ATM: variants seen among roughly 807,000 people sequenced by gnomAD.
ATM encodes the protein serine-protein kinase ATM.
In ATM, 308 loss-of-function variants were observed where a neutral mutation model predicts 387.0. The ratio of observed to expected loss-of-function variants is 0.80; its 90% confidence interval spans 0.73 to 0.87. The LOEUF is 0.87. Ranked by LOEUF, ATM falls within the 40% of genes least tolerant of loss-of-function variation. The pLI is 0.00. For synonymous variants in ATM, 1,156 were observed against 1,187.3 expected (o/e 0.97, Z 0.54); for missense variants, 3,312 against 3,560.9 (o/e 0.93, Z 1.78).
rs2085565666 is a variant in ATM at position 108,325,420 on chromosome 11, C to G, written c.6683C>G (p.Thr2228Arg). The G allele has an allele frequency of 1.2e-6, 2 of 1,613,690 alleles. No individual in the cohort carries two copies. The highest frequency in any genetic ancestry group is 1.1e-5 in the South Asian group (1 of 91,078). The change falls in exon 46 of 63, where the codon ACA becomes AGA. Residue 2228 changes from threonine to arginine, a missense_variant. Physicochemically the swap from Thr to Arg is moderately conservative, Grantham distance 71 (BLOSUM62 -1). Coordinates refer to ENST00000675843, the MANE Select transcript of ATM (RefSeq NM_000051.4). The stretch of plus-strand genomic sequence containing the variant: ...CAGGAGCCTATCATGGCTCTACGCA[C>G]AGTCATTTTGGAGATCCTGATGGAA... ...SFQEPIMALRTVILEILMEKE... is the reference protein window; with the variant it reads ...SFQEPIMALRRVILEILMEKE...
intron 29 of ATM, among the ~76,000 whole-genome samples, chr11:108,292,256 G>C (rs564411558): frequency 2.0e-5 from 3 of 152,164 alleles, no homozygotes; most frequent in Non-Finnish European, 4.4e-5. Flanking sequence ...GCTGGGGTAG[G>C]GGTGGGCAAG....
chr11:108,329,413 G>GT (rs529551923), intron 49 of ATM, 175 bp downstream of exon 49: 11,151 of 540,368 alleles, frequency 0.021, no homozygotes, highest in East Asian at 0.036. Flanking sequence ...TTTGTTTTTT[G>GT]TTTTTTTTTT....
chr11:108,316,856 G>C (rs1272843200), intron 42 of ATM, among the ~76,000 whole-genome samples: 1 of 151,792 alleles, frequency 6.6e-6, no homozygotes, highest in Non-Finnish European at 1.5e-5. Flanking sequence ...AACCTGGGAG[G>C]CAGAGGTTGC....
chr11:108,342,774 G>C (rs148608461), intron 56 of ATM, among the ~76,000 whole-genome samples: 1 of 152,222 alleles, frequency 6.6e-6, no homozygotes, highest in African/African-American at 2.4e-5. Flanking sequence ...TAAGACTAAA[G>C]CAAGAGTACA....
intron 22 of ATM, among the ~76,000 whole-genome samples, chr11:108,276,417 T>C (rs2081951674): frequency 6.6e-6 from 1 of 152,190 alleles, no homozygotes; most frequent in South Asian, 2.1e-4. Flanking sequence ...TGAAGAATTG[T>C]GATCCTTTGC....
rs759655842 is a variant in ATM, at chr11:108,345,828, G to A, written c.8504G>A (p.Cys2835Tyr). The change falls in exon 58 of 63, where the codon TGC becomes TAC. Residue 2835 changes from cysteine to tyrosine, a missense_variant. Cys to Tyr is a radical substitution (Grantham distance 194). Around this residue, in one of 4 missense-constraint regions of ATM, gnomAD observed 1,405 missense variants for 1,604.4 expected, o/e 0.88. Coordinates refer to ENST00000675843, the MANE Select transcript of ATM (RefSeq NM_000051.4). ...QNFQPVFRYF[C>Y]MEKFLDPAIW... ...TTTCAACCAGTTTTCCGTTACTTCTGCATGGAAAAATTCTTGGATCCAGCT... is the reference window on the plus strand; with the variant it reads ...TTTCAACCAGTTTTCCGTTACTTCTACATGGAAAAATTCTTGGATCCAGCT... The A allele has an allele frequency of 6.2e-7, 1 of 1,613,830 alleles. No homozygotes were observed. Among genetic ancestry groups the A allele is most frequent in the East Asian group, 2.2e-5 (1 of 44,840 alleles).
At chr11:108,233,588 A>G (rs1468404556) in intron 4 of ATM, among the ~76,000 whole-genome samples, 1 of 151,366 alleles carries the variant, frequency 6.6e-6, no homozygotes, top group Non-Finnish European at 1.5e-5. Flanking sequence ...AAAAAAAAAA[A>G]AAGTCTCTGC....
rs1376008437 is a variant in ATM, at chr11:108,366,033, A to G, written c.*525A>G. Reference sequence around the variant, plus strand: ...GACAAGAGCGAAACTCCATCTCAAAAAAAAAAAAAAAAAAACAGAAACGTA... The same window carrying G: ...GACAAGAGCGAAACTCCATCTCAAAGAAAAAAAAAAAAAAACAGAAACGTA... On this transcript the variant is annotated 3_prime_UTR_variant, in exon 63 of 63. Coordinates refer to ENST00000675843, the MANE Select transcript of ATM (RefSeq NM_000051.4). 1 of 168,410 alleles carries G rather than the reference A, an allele frequency of 5.9e-6. No individual in the cohort carries two copies. The highest frequency in any genetic ancestry group is 1.1e-4 in the East Asian group (1 of 8,972). The allele number at this position is 168,410 out of a possible 1,614,324, so 10.4% of individuals were successfully genotyped here. A position where few individuals can be genotyped will look rare whatever the true frequency, so the allele number is the denominator to read the frequency against.
intron 38 of ATM, chr11:108,308,593 A>G (rs1334424486): frequency 1.0e-5 from 2 of 194,118 alleles, no homozygotes; most frequent in African/African-American, 4.7e-5. Flanking sequence ...TTGAGAGTTG[A>G]CCAGAACTCT....
At chr11:108,264,198 A>G (rs998035404) in intron 16 of ATM, among the ~76,000 whole-genome samples, 8 of 152,032 alleles carry the variant, frequency 5.3e-5, no homozygotes, top group Admixed American at 3.3e-4. Context: ...TGTTAGACCA[A>G]TATCCTTGAT....
rs1439659893 is a variant in ATM, at chr11:108,262,108, A to G, written c.2466+3033A>G. The stretch of plus-strand genomic sequence containing the variant: ...CCGCAATCTAGCAAGGCAGGCCAAC[A>G]TTCAGATTCAGGAAATACAGAGAAT... On this transcript the variant is annotated intron_variant, in intron 16 of 62. Transcript: ENST00000675843. Among the ~76,000 whole-genome samples the G allele has an allele frequency of 4.6e-5, 7 of 151,860 alleles. No individual in the cohort carries two copies. In the East Asian group the frequency reaches 9.6e-4, roughly 21 times the overall value.
Position 108,258,969 on chromosome 11 carries a change from GT to G in ATM, c.2377-14del. The stretch of plus-strand genomic sequence containing the variant: ...TTATTTCTTTGTTGCTTGGTTCTTT[GT>G]TTGTCTTAATTGCAGAAGAGTCCAA... On this transcript the variant is annotated splice_polypyrimidine_tract_variant and intron_variant, in intron 15 of 62. Transcript: ENST00000675843. 6.2e-7 allele frequency: 1 copy of G among 1,600,604 alleles called. No individual in the cohort carries two copies. Among genetic ancestry groups the G allele is most frequent in the Non-Finnish European group, 8.6e-7 (1 of 1,168,174 alleles).
rs2137937065 is a variant in ATM, at chr11:108,365,574, C to T, written c.*66C>T. ...ATTATATTTTAGCCTTTATTTTTAA[C>T]CTGCCAACATACTTTAAGTAGGGAT... On this transcript the variant is annotated 3_prime_UTR_variant, in exon 63 of 63. Coordinates refer to ENST00000675843, the MANE Select transcript of ATM (RefSeq NM_000051.4). The T allele has an allele frequency of 6.5e-7, 1 of 1,533,982 alleles. No homozygotes were observed. The highest frequency in any genetic ancestry group is 8.9e-7 in the Non-Finnish European group (1 of 1,126,530).
intron 55 of ATM, 157 bp downstream of exon 55, chr11:108,335,266 A>G (rs1175021905): frequency 1.3e-6 from 2 of 1,527,044 alleles, no homozygotes; most frequent in Non-Finnish European, 1.8e-6. Context: ...TTCTAGAACC[A>G]GGCTTTTCTC....
chr11:108,346,551 C>T (rs1334324337), intron 58 of ATM: 1 of 151,568 alleles, frequency 6.6e-6, no homozygotes, highest in East Asian at 1.9e-4. Flanking sequence ...ACATACTATA[C>T]CCCAGGAAGG....
intron 4 of ATM, chr11:108,230,469 A>G (rs2078955617): frequency 6.6e-6 from 1 of 152,178 alleles, no homozygotes; most frequent in South Asian, 2.1e-4. Flanking sequence ...TTCTGAGAGT[A>G]TATCAAAAAC....
chr11:108,254,063 T>C (rs1565391050), intron 13 of ATM, 24 bp downstream of exon 13: 3 of 1,600,012 alleles, frequency 1.9e-6, no homozygotes, highest in Non-Finnish European at 8.5e-7. Context: ...AAAAAAGAAC[T>C]AAGCTTATAT....
chr11:108,280,845 T>C (rs2082191759), intron 23 of ATM, 150 bp from the exon 24 acceptor site: 1 of 686,224 alleles, frequency 1.5e-6, no homozygotes, highest in Admixed American at 2.9e-5. Context: ...TACTCTTTCT[T>C]GTACCAAAAG....
intron 23 of ATM, among the ~76,000 whole-genome samples, 188 bp from the exon 24 acceptor site, chr11:108,280,807 C>G (rs1408760335): frequency 6.6e-6 from 1 of 152,092 alleles, no homozygotes; most frequent in Non-Finnish European, 1.5e-5. Flanking sequence ...CATGTCAGTG[C>G]TTGTGATTTA....
Sources: allele counts gnomAD v4.1 joint callset (sites outside exome capture counted in the v4.1 genomes callset), GRCh38; gene constraint gnomAD v4.1.1; regional missense constraint gnomAD v4.1.1; transcripts MANE v1.5; gene names NCBI Gene and HGNC (gene_info 2026-07-23, HGNC 2026-07-21).